MEG3: variants seen among roughly 807,000 people sequenced by gnomAD.
The protein encoded by MEG3 is Very putative protein from MEG3 locus.
chr14:100,836,243 A>G (rs1296657817), exon 2 of MEG3: 6 of 456,452 alleles, frequency 1.3e-5, no homozygotes, highest in Non-Finnish European at 2.6e-5. Flanking sequence ...GATGGGGCCC[A>G]CCATCCCGGA....
chr14:100,859,163 A>G (rs1566742903), exon 1 of MEG3: 1 of 152,286 alleles, frequency 6.6e-6, no homozygotes, highest in Non-Finnish European at 1.5e-5. Flanking sequence ...CAGGGTTTAA[A>G]TGGCTGGAAA....
At chr14:100,854,756 G>A (rs1384992553), upstream of MEG3, 1 of 152,722 alleles carries the variant, frequency 6.5e-6, no homozygotes, top group Non-Finnish European at 1.5e-5. Context: ...GCCAGGCCCT[G>A]GGGTTTCCAT....
At chr14:100,841,906 C>G (rs2037772598) in intron 2 of MEG3, among the ~76,000 whole-genome samples, 2 of 152,176 alleles carry the variant, frequency 1.3e-5, no homozygotes, top group Non-Finnish European at 2.9e-5. Context: ...GTCCTGAGAC[C>G]CTCGCCAGCG....
At position 100,845,541 on chromosome 14, in the gene MEG3, G is replaced by T. The variant is rs779543140; in HGVS notation, n.3121+8G>T. ...CCTCTCCAGCTCGAAATCGTAAGTG[G>T]CTGGAGTGTAAAGAACACACATGTG... On this transcript the variant is annotated splice_region_variant and intron_variant and non_coding_transcript_variant, in intron 3 of 3. Transcript: ENST00000398461. This position sits in a 1 kb window ranked among gnomAD's most constrained non-coding sequence, Gnocchi z 5.2. 2.2e-6 allele frequency: 1 copy of T among 456,482 alleles called. No homozygotes were observed. The highest frequency in any genetic ancestry group is 1.5e-5 in the South Asian group (1 of 64,536). 28.3% of individuals were successfully genotyped at this position (456,482 alleles called of 1,614,324 possible).
At chr14:100,843,690 G>A (rs1417363673) in intron 2 of MEG3, among the ~76,000 whole-genome samples, 1 of 152,142 alleles carries the variant, frequency 6.6e-6, no homozygotes, top group South Asian at 2.1e-4. Flanking sequence ...TAGGAATAGA[G>A]AGGCAGAGGC....
chr14:100,849,129 CAT>C (rs1595294800), intron 3 of MEG3: 1 of 152,114 alleles, frequency 6.6e-6, no homozygotes, highest in African/African-American at 2.4e-5. Flanking sequence ...GCAATACAAA[CAT>C]ATTGAATGAA....
At chr14:100,854,298 T>C (rs1386448275), upstream of MEG3, 1 of 152,240 alleles carries the variant, frequency 6.6e-6, no homozygotes, top group Non-Finnish European at 1.5e-5. Context: ...TATTTTATCT[T>C]CTGTGAACTG....
upstream of MEG3, chr14:100,856,753 C>T (rs576090212): frequency 7.2e-5 from 11 of 152,332 alleles, no homozygotes; most frequent in East Asian, 1.9e-4. Context: ...CGTTCACGCT[C>T]ACCTCTGAGA....
chr14:100,834,278 G>A (rs1239339470), exon 1 of MEG3: 2 of 175,566 alleles, frequency 1.1e-5, no homozygotes, highest in East Asian at 1.6e-4. Context: ...CAAACACATG[G>A]CAGTCATTCA....
chr14:100,831,694 A>G (rs3087917), downstream of MEG3: 58,781 of 151,902 alleles, frequency 0.39, 11,563 homozygotes, highest in Admixed American at 0.47. Context: ...TCTCGTTCTT[A>G]GCATCCCCTA....
chr14:100,835,208 T>TGCC lies in MEG3; in HGVS notation n.2240_2241insGCC, dbSNP rs2037531014. 1.5e-5 allele frequency: 3 copies of TGCC among 201,974 alleles called. No homozygotes were observed. In the South Asian group the frequency reaches 2.6e-4, roughly 18 times the overall value. 12.5% of individuals were successfully genotyped at this position (201,974 alleles called of 1,614,324 possible). A position where few individuals can be genotyped will look rare whatever the true frequency, so the allele number is the denominator to read the frequency against. On this transcript the variant is annotated non_coding_transcript_exon_variant, in exon 1 of 4. Transcript: ENST00000398461. The stretch of plus-strand genomic sequence containing the variant: ...CGCCCCATTCCTGATGCTGAACTGT[T>TGCC]CTGGACCCCTGGCCCTGAGTCTCTC...
At chr14:100,834,077 G>A (rs1341533460), downstream of MEG3, 1 of 152,322 alleles carries the variant, frequency 6.6e-6, no homozygotes, top group Non-Finnish European at 1.5e-5. Flanking sequence ...GACTTTCCCA[G>A]TGACGGTGAT....
intron 2 of MEG3, among the ~76,000 whole-genome samples, chr14:100,839,704 G>A (rs551982497): frequency 3.9e-4 from 60 of 152,264 alleles, no homozygotes; most frequent in African/African-American, 1.3e-3. Flanking sequence ...TGATGAGGGC[G>A]TGCAGACCCT....
At chr14:100,844,875 C>A (rs946176763) in intron 2 of MEG3, among the ~76,000 whole-genome samples, 1 of 152,232 alleles carries the variant, frequency 6.6e-6, no homozygotes, top group African/African-American at 2.4e-5. Flanking sequence ...ACACTGAAGA[C>A]TCGATGTGCC....
At chr14:100,835,190 T>C (rs574349557) in exon 1 of MEG3, 1 of 251,060 alleles carries the variant, frequency 4.0e-6, no homozygotes, top group Non-Finnish European at 8.0e-6. Flanking sequence ...CCCCGCCCCA[T>C]TCCTGATGCT....
At chr14:100,826,271 C>T (rs2037227657) in intron 1 of MEG3, 1 of 152,258 alleles carries the variant, frequency 6.6e-6, no homozygotes, top group African/African-American at 2.4e-5. Flanking sequence ...AGACGGCATC[C>T]GCTTCTGGGA....
intron 2 of MEG3, among the ~76,000 whole-genome samples, chr14:100,839,730 G>A (rs1161363033): frequency 6.6e-6 from 1 of 152,164 alleles, no homozygotes; most frequent in Non-Finnish European, 1.5e-5. Flanking sequence ...CCCACCTCCT[G>A]TCCCAGGAGC....
chr14:100,828,236 C>T (rs1400541091), intron 1 of MEG3, among the ~76,000 whole-genome samples: 1 of 151,998 alleles, frequency 6.6e-6, no homozygotes, highest in African/African-American at 2.4e-5. Context: ...GCCGCGCGCC[C>T]CCTAGCGGTG....
intron 3 of MEG3, chr14:100,849,206 C>A: frequency 6.6e-6 from 1 of 152,286 alleles, no homozygotes. Flanking sequence ...GAGAAGGCAG[C>A]AAGAATTATG....
Sources: allele counts gnomAD v4.1 joint callset (sites outside exome capture counted in the v4.1 genomes callset), GRCh38; gene constraint gnomAD v4.1.1; non-coding constraint Gnocchi (gnomAD v3.1); transcripts MANE v1.5; gene names NCBI Gene and HGNC (gene_info 2026-07-23, HGNC 2026-07-21).